Variants in CCDC88B observed in about 807,000 individuals in gnomAD.
CCDC88B encodes coiled-coil domain-containing protein 88B.
Under a neutral mutation model 183.7 loss-of-function variants are expected in CCDC88B, and 138 were observed. The observed-to-expected ratio is 0.75, with a 90% confidence interval of 0.65 to 0.87. CCDC88B has a LOEUF of 0.87. Among genes scored for constraint, CCDC88B ranks in the 40% least tolerant of loss-of-function variants. The pLI is 0.00. For missense variants in CCDC88B, 1,822 were observed against 1,965.6 expected (o/e 0.93, Z 1.38); for synonymous variants, 835 against 867.5 (o/e 0.96, Z 0.66).
rs754152792 is a variant in CCDC88B, at chr11:64,342,563, C to T, written c.945C>T (p.Tyr315=). 1 of 1,531,742 alleles carries T rather than the reference C, an allele frequency of 6.5e-7. No individual in the cohort carries two copies. The highest frequency in any genetic ancestry group is 1.2e-5 in the South Asian group (1 of 83,716). The allele number at this position is 1,531,742 out of a possible 1,614,324, so 94.9% of individuals were successfully genotyped here. A position where few individuals can be genotyped will look rare whatever the true frequency, so the allele number is the denominator to read the frequency against. Residue 315 remains tyrosine (Y), a synonymous_variant, in exon 10 of 27, where the codon TAC becomes TAT. Transcript: ENST00000356786. ...LSGQAKRAEL[Y]REEAEALRER... is the part of the protein sequence containing the mutation. Reference sequence around the variant, plus strand: ...GACAGGCCAAGCGGGCCGAGCTGTACCGCGAGGAGGCAGAGGCGCTGCGGG... The same window carrying T: ...GACAGGCCAAGCGGGCCGAGCTGTATCGCGAGGAGGCAGAGGCGCTGCGGG...
chr11:64,340,971 G>A lies in CCDC88B; in HGVS notation c.271G>A (p.Val91Met), dbSNP rs759134215. Residue 91 changes from valine to methionine, a missense_variant, in exon 3 of 27, where the codon GTG (valine) becomes ATG (methionine). Val to Met is a conservative substitution (Grantham distance 21). Coordinates refer to ENST00000356786, the MANE Select transcript of CCDC88B (RefSeq NM_032251.6). ...CCTTGACGGACCTGCTGCCTGGCGA[G>A]TGTGGAACCTGAACCACCTGTGGGG... Reference protein sequence around the residue: ...RGLDGPAAWRVWNLNHLWGRL... With the variant: ...RGLDGPAAWRMWNLNHLWGRL... 1 of 1,604,962 alleles carries A rather than the reference G, an allele frequency of 6.2e-7. No homozygotes were observed. The highest frequency in any genetic ancestry group is 1.7e-5 in the Admixed American group (1 of 59,328).
intron 14 of CCDC88B, chr11:64,349,074 G>A (rs1229096296): frequency 1.4e-6 from 1 of 716,340 alleles, no homozygotes; most frequent in African/African-American, 1.7e-5. Context: ...TGCCCAACAT[G>A]TGTCACCTAC....
At position 64,352,211 on chromosome 11, in the gene CCDC88B, C is replaced by G. The variant is rs776459668; in HGVS notation, c.3181C>G (p.Arg1061Gly). The G allele has an allele frequency of 6.2e-7, 1 of 1,610,022 alleles. No homozygotes were observed. Among genetic ancestry groups the G allele is most frequent in the South Asian group, 1.1e-5 (1 of 90,798 alleles). ...GCTGGAGGAGGAGGTGCGGGCGGCA[C>G]GGCAGTCCCAGGAGGAGACCCGCGG... ...EVLEEEVRAA[R>G]QSQEETRGQQ... The change falls in exon 19 of 27, where the codon CGG becomes GGG. Residue 1061 changes from arginine to glycine, a missense_variant. Transcript: ENST00000356786.
Position 64,341,264 on chromosome 11 carries a change from T to A in CCDC88B, c.389-6T>A, listed in dbSNP as rs1565393038. On this transcript the variant is annotated splice_region_variant and splice_polypyrimidine_tract_variant and intron_variant, in intron 4 of 26. Coordinates refer to ENST00000356786, the MANE Select transcript of CCDC88B (RefSeq NM_032251.6). ...CAGTTAACCCCTTGTGGCATGTGCC[T>A]TGCAGAAGAAGCGGTGGAGCAGCTG... 5.0e-6 allele frequency: 8 copies of A among 1,614,144 alleles called. No individual in the cohort carries two copies. Among genetic ancestry groups the A allele is most frequent in the Non-Finnish European group, 6.8e-6 (8 of 1,180,010 alleles).
In CCDC88B at chr11:64,343,889, T is replaced by G; in HGVS notation, c.1430T>G (p.Val477Gly). The change falls in exon 13 of 27, where the codon GTG becomes GGG. Residue 477 changes from valine to glycine, a missense_variant. Val to Gly is a moderately radical substitution (Grantham distance 109). Coordinates refer to ENST00000356786, the MANE Select transcript of CCDC88B (RefSeq NM_032251.6). ...ENRELRGLLQVLQGQPGGQHP... is the reference protein window; with the variant it reads ...ENRELRGLLQGLQGQPGGQHP... The stretch of plus-strand genomic sequence containing the variant: ...CGGGAGCTTCGGGGGCTGCTTCAGG[T>G]GCTTCAGGGGCAGCCAGGGGGCCAG... The G allele has an allele frequency of 6.2e-7, 1 of 1,605,102 alleles. No individual in the cohort carries two copies. Among genetic ancestry groups the G allele is most frequent in the Non-Finnish European group, 8.5e-7 (1 of 1,176,098 alleles).
Position 64,357,262 on chromosome 11 carries a change from G to A in CCDC88B, c.*168G>A. On this transcript the variant is annotated 3_prime_UTR_variant, in exon 27 of 27. Coordinates refer to ENST00000356786, the MANE Select transcript of CCDC88B (RefSeq NM_032251.6). ...ACGGTCAGCGCCGGGGCCCGGAGAT[G>A]GAGCTGGGACGAGTGTGTGGACAGG... 1 of 819,026 alleles carries A rather than the reference G, an allele frequency of 1.2e-6. No homozygotes were observed. 50.7% of individuals were successfully genotyped at this position (819,026 alleles called of 1,614,324 possible). A position where few individuals can be genotyped will look rare whatever the true frequency, so the allele number is the denominator to read the frequency against.
At position 64,354,062 on chromosome 11, in the gene CCDC88B, G is replaced by A. The variant is rs770952526; in HGVS notation, c.3991G>A (p.Gly1331Ser). 2.8e-6 allele frequency: 4 copies of A among 1,449,676 alleles called. No homozygotes were observed. Among genetic ancestry groups the A allele is most frequent in the Non-Finnish European group, 2.7e-6 (3 of 1,096,218 alleles). 89.8% of individuals were successfully genotyped at this position (1,449,676 alleles called of 1,614,324 possible). The change falls in exon 24 of 27, where the codon GGC (glycine) becomes AGC (serine). Residue 1331 changes from glycine to serine, a missense_variant. By Grantham distance (56) the Gly-to-Ser change is moderately conservative. Transcript: ENST00000356786. Reference protein sequence around the residue: ...KRLMRPRREGGPPGGLRLGAD... With the variant: ...KRLMRPRREGSPPGGLRLGAD... ...GCTGATGCGGCCCCGGCGGGAGGGG[G>A]GCCCCCCTGGGGGGCTGCGCCTGGG...
chr11:64,349,541 C>T lies in CCDC88B; in HGVS notation c.2745-10C>T. 1 of 1,594,884 alleles carries T rather than the reference C, an allele frequency of 6.3e-7. No homozygotes were observed. Among genetic ancestry groups the T allele is most frequent in the Non-Finnish European group, 8.5e-7 (1 of 1,172,126 alleles). On this transcript the variant is annotated splice_polypyrimidine_tract_variant and intron_variant, in intron 15 of 26. Coordinates refer to ENST00000356786, the MANE Select transcript of CCDC88B (RefSeq NM_032251.6). ...GGGGTGGGGCTGGGTGCTAAGGATTCTCCTGGCAGGTACCAGGGCTTGGAG... is the reference window on the plus strand; with the variant it reads ...GGGGTGGGGCTGGGTGCTAAGGATTTTCCTGGCAGGTACCAGGGCTTGGAG...
chr11:64,352,537 C>T, intron 19 of CCDC88B, 151 bp downstream of exon 19: 1 of 1,340,460 alleles, frequency 7.5e-7, no homozygotes, highest in Non-Finnish European at 9.9e-7. Flanking sequence ...GGTAGCTGTG[C>T]TCCCCACACT....
rs146372637 is a variant in CCDC88B at position 64,352,766 on chromosome 11, C to T, written c.3379C>T (p.Arg1127Trp). 162 of 1,613,326 alleles carry T rather than the reference C, an allele frequency of 1.0e-4. No homozygotes were observed. Among genetic ancestry groups the T allele is most frequent in the Non-Finnish European group, 1.3e-4 (152 of 1,179,992 alleles). The change falls in exon 20 of 27, where the codon CGG becomes TGG. Residue 1127 changes from arginine (R) to tryptophan (W), a missense_variant. Physicochemically the swap from Arg to Trp is moderately radical, Grantham distance 101. Transcript: ENST00000356786. ...CAGGCACGAGCAGCTGCAGGCCCAGCGGGCCAGCGTGGAGGCACAGGAGGT... is the reference window on the plus strand; with the variant it reads ...CAGGCACGAGCAGCTGCAGGCCCAGTGGGCCAGCGTGGAGGCACAGGAGGT... ...QGRHEQLQAQ[R>W]ASVEAQEVAL...
chr11:64,342,874 A>C, intron 10 of CCDC88B, 194 bp downstream of exon 10: 1 of 174,722 alleles, frequency 5.7e-6, no homozygotes. Context: ...GGTGTAGGGG[A>C]GTGGGGGGGC....
chr11:64,352,266 A>G lies in CCDC88B; in HGVS notation c.3236A>G (p.Lys1079Arg), dbSNP rs1212587762. The change falls in exon 19 of 27, where the codon AAG becomes AGG. Residue 1079 changes from lysine (K) to arginine (R), a missense_variant. Lys to Arg is a conservative substitution (Grantham distance 26). Coordinates refer to ENST00000356786, the MANE Select transcript of CCDC88B (RefSeq NM_032251.6). ...CAGCAGGCCCTGCTTCGGGACCACA[A>G]GGCCCTGGCACAGCTGCAGCGGCGG... ...GQQQALLRDH[K>R]ALAQLQRRQE... 1.3e-6 allele frequency: 2 copies of G among 1,598,916 alleles called. No individual in the cohort carries two copies. The highest frequency in any genetic ancestry group is 2.3e-5 in the East Asian group (1 of 44,100).
In CCDC88B at chr11:64,344,887, G is replaced by A; in HGVS notation, c.2346G>A (p.Glu782=). 1 of 1,596,656 alleles carries A rather than the reference G, an allele frequency of 6.3e-7. No individual in the cohort carries two copies. Among genetic ancestry groups the A allele is most frequent in the Non-Finnish European group, 8.5e-7 (1 of 1,171,588 alleles). The change falls in exon 14 of 27, where the codon GAG becomes GAA. Residue 782 remains glutamate, a synonymous_variant. Transcript: ENST00000356786. The surrounding 1 kb of genome is among the most constrained non-coding windows in gnomAD (Gnocchi z 4.5). ...GGGCAGAGGCCGAGGCCCACCGGGA[G>A]GCAGAGGCCCAGGCCTGGGAGCAAG... ...ARRAEAEAHR[E]AEAQAWEQAR...
At position 64,352,208 on chromosome 11, in the gene CCDC88B, G is replaced by A; in HGVS notation, c.3178G>A (p.Ala1060Thr). The A allele has an allele frequency of 6.2e-7, 1 of 1,605,826 alleles. No individual in the cohort carries two copies. Among genetic ancestry groups the A allele is most frequent in the Non-Finnish European group, 8.5e-7 (1 of 1,175,310 alleles). ...GGTGCTGGAGGAGGAGGTGCGGGCG[G>A]CACGGCAGTCCCAGGAGGAGACCCG... ...LEVLEEEVRA[A>T]RQSQEETRGQ... Residue 1060 changes from alanine (A) to threonine (T), a missense_variant, in exon 19 of 27, where the codon GCA (alanine) becomes ACA (threonine). Physicochemically the swap from Ala to Thr is moderately conservative, Grantham distance 58. Transcript: ENST00000356786.
chr11:64,351,282 G>T, intron 17 of CCDC88B, 27 bp downstream of exon 17: 1 of 1,498,782 alleles, frequency 6.7e-7, no homozygotes, highest in East Asian at 2.5e-5. Context: ...AGTGGGCCCT[G>T]GGGAGGTGCC....
chr11:64,344,798 C>G lies in CCDC88B; in HGVS notation c.2257C>G (p.Arg753Gly). 1 of 1,613,284 alleles carries G rather than the reference C, an allele frequency of 6.2e-7. No homozygotes were observed. The highest frequency in any genetic ancestry group is 8.5e-7 in the Non-Finnish European group (1 of 1,179,742). ...ALGDELEAQA[R>G]KLEAQNTEAA... ...TGGAGATGAGCTGGAAGCCCAGGCC[C>G]GCAAGCTGGAGGCCCAAAACACGGA... Residue 753 changes from arginine (R) to glycine (G), a missense_variant, in exon 14 of 27, where the codon CGC becomes GGC. Coordinates refer to ENST00000356786, the MANE Select transcript of CCDC88B (RefSeq NM_032251.6). The surrounding 1 kb of genome is among the most constrained non-coding windows in gnomAD (Gnocchi z 4.5).
chr11:64,348,906 G>A (rs956345042), intron 14 of CCDC88B: 16 of 644,922 alleles, frequency 2.5e-5, no homozygotes, highest in African/African-American at 9.1e-5. Flanking sequence ...CCAGCCCTCC[G>A]TGGCCTTTTC....
At chr11:64,356,964 T>G (rs2036565842) in intron 26 of CCDC88B, 75 bp from the exon 27 acceptor site, 1 of 1,462,022 alleles carries the variant, frequency 6.8e-7, no homozygotes, top group Non-Finnish European at 9.2e-7. Flanking sequence ...CAGAAGGTGC[T>G]CGAGCCTGTG....
Position 64,343,194 on chromosome 11 carries a change from TC to T in CCDC88B, c.1079del (p.Ser360TrpfsTer83). On this transcript the variant is annotated frameshift_variant, in exon 11 of 27. Coordinates refer to ENST00000356786, the MANE Select transcript of CCDC88B (RefSeq NM_032251.6). LOFTEE classifies it high-confidence loss of function. ...KSQLEEERVLSGVLEASKALL... is the reference protein window; with the variant it reads ...KSQLEEERVLXGVLEASKALL... ...CTCCCACCAGGAGGAGCGGGTGCTC[TC>T]GGGGGTGCTGGAGGCGTCCAAGGCG... is the stretch of plus-strand genomic sequence containing the variant. The T allele has an allele frequency of 6.5e-7, 1 of 1,537,520 alleles. No homozygotes were observed. Among genetic ancestry groups the T allele is most frequent in the Non-Finnish European group, 8.8e-7 (1 of 1,141,394 alleles).
Sources: gnomAD v4.1 joint callset for allele counts on GRCh38, gnomAD v4.1.1 for gene constraint, Gnocchi (gnomAD v3.1) non-coding constraint, MANE v1.5 for transcripts, NCBI Gene and HGNC (gene_info 2026-07-23, HGNC 2026-07-21) for gene names.